The following IFTAP variants were observed in gnomAD, a reference collection of about 807,000 sequenced individuals.
IFTAP encodes the protein intraflagellar transport associated protein, also known as intraflagellar transport-associated protein.
In IFTAP, 19 loss-of-function variants were observed where a neutral mutation model predicts 19.4. That is an observed-to-expected ratio of 0.98 (90% confidence interval 0.68 to 1.44). The LOEUF (loss-of-function observed/expected upper bound fraction) is 1.44. Ranked by LOEUF, IFTAP falls within the 40% of genes most tolerant of loss-of-function variation. IFTAP has a pLI of 0.00. For missense variants in IFTAP, 240 were observed against 253.6 expected, an observed-to-expected ratio of 0.95 and a Z score of 0.36; for synonymous variants, 85 against 83.5, an observed-to-expected ratio of 1.02 and a Z score of -0.10.
chr11:36,638,147 C>A (rs953103609), intron 4 of IFTAP, among the ~76,000 whole-genome samples: 4 of 151,716 alleles, frequency 2.6e-5, no homozygotes, highest in Non-Finnish European at 5.9e-5. Context: ...CACACCCCGC[C>A]CCACCGCCCG....
chr11:36,631,645 A>G (rs7480430), intron 2 of IFTAP, among the ~76,000 whole-genome samples: 150,141 of 151,060 alleles, frequency 0.99, 74,626 homozygotes, highest in East Asian at 1. Context: ...CTTCAGTTAC[A>G]GATGTTCCTA....
At chr11:36,637,559 C>A (rs936833462) in intron 4 of IFTAP, among the ~76,000 whole-genome samples, 1 of 152,024 alleles carries the variant, frequency 6.6e-6, no homozygotes, top group Non-Finnish European at 1.5e-5. Flanking sequence ...GGGGAGGGAA[C>A]CTTGTTAAAA....
chr11:36,626,106 T>C (rs929298287), intron 2 of IFTAP, among the ~76,000 whole-genome samples: 5 of 151,212 alleles, frequency 3.3e-5, no homozygotes, highest in African/African-American at 1.2e-4. Context: ...TGATTGATTT[T>C]AGTACTAGCG....
At chr11:36,622,090 A>T (rs1874801) in intron 2 of IFTAP, among the ~76,000 whole-genome samples, 23,861 of 109,790 alleles carry the variant, frequency 0.22, 3,212 homozygotes, top group African/African-American at 0.45. Context: ...TCTATTTTTT[A>T]TTTTTTTTTT....
chr11:36,644,736 A>G (rs1853401211), intron 4 of IFTAP, among the ~76,000 whole-genome samples: 1 of 151,896 alleles, frequency 6.6e-6, no homozygotes, highest in Non-Finnish European at 1.5e-5. Context: ...ATTCTCAGCA[A>G]ACTATCGTAA....
intron 2 of IFTAP, among the ~76,000 whole-genome samples, chr11:36,616,128 G>C (rs1852077143): frequency 6.6e-6 from 1 of 151,962 alleles, no homozygotes; most frequent in Non-Finnish European, 1.5e-5. Flanking sequence ...GGGAGTTACA[G>C]TAGTTATTTC....
chr11:36,632,827 T>C (rs1360809234), intron 2 of IFTAP, among the ~76,000 whole-genome samples: 3 of 151,254 alleles, frequency 2.0e-5, no homozygotes, highest in Non-Finnish European at 2.9e-5. Context: ...AAATATTAGA[T>C]AGCCACTGAA....
At chr11:36,618,113 C>T (rs1460106131) in intron 2 of IFTAP, among the ~76,000 whole-genome samples, 1 of 151,914 alleles carries the variant, frequency 6.6e-6, no homozygotes, top group Non-Finnish European at 1.5e-5. Context: ...AGTTAGGTAG[C>T]TTGCTATTGT....
chr11:36,604,683 T>C (rs1248544300), intron 1 of IFTAP, among the ~76,000 whole-genome samples: 1 of 152,132 alleles, frequency 6.6e-6, no homozygotes, highest in Non-Finnish European at 1.5e-5. Context: ...TCCTGATGGC[T>C]TCAGATACAC....
chr11:36,605,385 T>A (rs1851658775), intron 1 of IFTAP, among the ~76,000 whole-genome samples: 1 of 151,916 alleles, frequency 6.6e-6, no homozygotes, highest in Non-Finnish European at 1.5e-5. Context: ...TTTTTAGGTC[T>A]ACTACTCTTG....
intron 2 of IFTAP, among the ~76,000 whole-genome samples, chr11:36,616,441 T>C (rs1852092776): frequency 6.6e-6 from 1 of 151,946 alleles, no homozygotes; most frequent in Admixed American, 6.6e-5. Flanking sequence ...TCTTCATACT[T>C]GTTAATATTT....
At chr11:36,596,232 T>TG (rs927827544) in intron 1 of IFTAP, among the ~76,000 whole-genome samples, 2 of 150,900 alleles carry the variant, frequency 1.3e-5, no homozygotes, top group African/African-American at 2.4e-5. Flanking sequence ...GTTTTTTTTT[T>TG]TTTTTGCTTT....
At chr11:36,618,696 G>A (rs885374) in intron 2 of IFTAP, among the ~76,000 whole-genome samples, 17,247 of 152,090 alleles carry the variant, frequency 0.11, 1,155 homozygotes, top group African/African-American at 0.17. Context: ...AGCCTGAGAA[G>A]GAGGCTGTGT....
chr11:36,641,687 C>T (rs1853207709), intron 4 of IFTAP, among the ~76,000 whole-genome samples: 2 of 152,138 alleles, frequency 1.3e-5, no homozygotes, highest in South Asian at 2.1e-4. Flanking sequence ...GAGTGCTTTA[C>T]TTCCAACTAT....
intron 4 of IFTAP, among the ~76,000 whole-genome samples, chr11:36,639,707 A>G (rs556271730): frequency 6.6e-6 from 1 of 152,296 alleles, no homozygotes; most frequent in Admixed American, 6.5e-5. Context: ...AATGGCACCA[A>G]GCCGTTCCTG....
chr11:36,643,218 G>A (rs1219932715), intron 4 of IFTAP, among the ~76,000 whole-genome samples: 3 of 152,130 alleles, frequency 2.0e-5, no homozygotes, highest in Non-Finnish European at 4.4e-5. Flanking sequence ...CTGACAGAGA[G>A]CCAAATCAAG....
At chr11:36,614,653 A>G (rs1229779128) in intron 2 of IFTAP, among the ~76,000 whole-genome samples, 1 of 147,392 alleles carries the variant, frequency 6.8e-6, no homozygotes, top group Non-Finnish European at 1.5e-5. Flanking sequence ...TTTGATTTAC[A>G]TTTCTCTGAT....
rs192228085 is a variant in IFTAP at position 36,632,609 on chromosome 11, A to G, written c.137-675A>G. Among the ~76,000 whole-genome samples the G allele has an allele frequency of 7.9e-5, 12 of 151,554 alleles. No homozygotes were observed. In the East Asian group the frequency reaches 2.1e-3, roughly 27 times the overall value. ...GATAATCGTGAATGTACATGGATTT[A>G]GTACAAAGATATTCATTGTTTATAA... is the stretch of plus-strand genomic sequence containing the variant. On this transcript the variant is annotated intron_variant, in intron 2 of 5. Transcript: ENST00000334307.
At chr11:36,653,588 C>T (rs1436097860) in intron 5 of IFTAP, among the ~76,000 whole-genome samples, 2 of 152,116 alleles carry the variant, frequency 1.3e-5, no homozygotes, top group East Asian at 1.9e-4. Context: ...CCAAAGTATG[C>T]CACAACAGCC....
Sources: gnomAD v4.1 joint callset for allele counts (sites outside exome capture counted in the v4.1 genomes callset) on GRCh38, gnomAD v4.1.1 for gene constraint, MANE v1.5 for transcripts, NCBI Gene and HGNC (gene_info 2026-07-23, HGNC 2026-07-21) for gene names.